Variants in FGF13 observed in about 807,000 individuals in gnomAD.
FGF13 encodes the protein fibroblast growth factor 13, also known as fibroblast growth factor homologous factor 2.
A neutral mutation model predicts 19.5 loss-of-function variants in FGF13; 2 were observed. That is an observed-to-expected ratio of 0.10 (90% confidence interval 0.04 to 0.32). The LOEUF is 0.32. Among genes scored for constraint, FGF13 ranks in the 10% least tolerant of loss-of-function variants. The pLI is 1.00. For synonymous variants in FGF13, 72 were observed against 76.9 expected, an observed-to-expected ratio of 0.94 and a Z score of 0.33; for missense variants, 113 against 192.7, an observed-to-expected ratio of 0.59 and a Z score of 2.45.
At chrX:138,661,114 T>C (rs771680077) in intron 3 of FGF13, among the ~76,000 whole-genome samples, 6 of 111,552 alleles carry the variant, frequency 5.4e-5, no homozygotes, top group African/African-American at 1.9e-4. Flanking sequence ...AGATAACAAG[T>C]GACCCAAACT....
intron 1 of FGF13, among the ~76,000 whole-genome samples, chrX:139,177,330 G>A (rs1372043310): frequency 3.9e-5 from 4 of 101,610 alleles, no homozygotes; most frequent in Admixed American, 3.3e-4. Context: ...CACATGAGAT[G>A]GGTCCCCTGA....
chrX:138,654,751 A>G (rs953737457), intron 3 of FGF13, among the ~76,000 whole-genome samples: 1 of 109,187 alleles, frequency 9.2e-6, no homozygotes, highest in African/African-American at 3.3e-5. Flanking sequence ...AAAAATACAT[A>G]CATACATACA....
intron 1 of FGF13, among the ~76,000 whole-genome samples, chrX:139,060,661 GT>G (rs954556026): frequency 9.0e-6 from 1 of 111,696 alleles, no homozygotes; most frequent in Non-Finnish European, 1.9e-5. Flanking sequence ...ATATATGCAA[GT>G]TTTTTCTTTT....
chrX:138,661,230 A>AT (rs750530199), intron 3 of FGF13, among the ~76,000 whole-genome samples: 1 of 111,931 alleles, frequency 8.9e-6, no homozygotes, highest in African/African-American at 3.2e-5. Context: ...CTCTAAACAA[A>AT]TAAGAGCTTG....
intron 1 of FGF13, among the ~76,000 whole-genome samples, chrX:139,001,129 C>T (rs1240934458): frequency 8.9e-6 from 1 of 111,916 alleles, no homozygotes; most frequent in Non-Finnish European, 1.9e-5. Flanking sequence ...ACTGGCTAGC[C>T]ATATGCAGAA....
intron 3 of FGF13, among the ~76,000 whole-genome samples, chrX:138,829,475 G>A (rs2091056778): frequency 9.0e-6 from 1 of 111,418 alleles, no homozygotes; most frequent in Admixed American, 9.6e-5. Flanking sequence ...ATGAGTGGAA[G>A]CACTCTGAGA....
At chrX:138,982,370 A>C (rs2091967479) in intron 1 of FGF13, among the ~76,000 whole-genome samples, 1 of 111,896 alleles carries the variant, frequency 8.9e-6, no homozygotes, top group Admixed American at 9.5e-5. Flanking sequence ...CAATATTCTC[A>C]GCCCTTCTCC....
In FGF13 at chrX:139,089,840, C is replaced by T. The variant is rs774953277; in HGVS notation, c.-113+113576G>A. ...GTAATAGTAACATCATCTTTGTGAC[C>T]ATCATTATTATTATTATTGATGGGA... On this transcript the variant is annotated intron_variant, in intron 1 of 2. Transcript: ENST00000421460. 9.9e-5 allele frequency among the ~76,000 whole-genome samples: 11 copies of T among 111,186 alleles called. 1 individual carries two copies. The South Asian group carries it at 4.2e-3, about 42-fold the overall frequency.
At chrX:138,637,160 G>A (rs1039651778) in intron 3 of FGF13, among the ~76,000 whole-genome samples, 2 of 111,934 alleles carry the variant, frequency 1.8e-5, no homozygotes, top group Non-Finnish European at 3.8e-5. Context: ...ACCTACTCAA[G>A]AAGCAATGTA....
intron 1 of FGF13, among the ~76,000 whole-genome samples, chrX:139,046,839 G>A (rs1162148449): frequency 9.0e-6 from 1 of 111,603 alleles, no homozygotes; most frequent in Non-Finnish European, 1.9e-5. Flanking sequence ...GATATTTATA[G>A]GTTGAACAAT....
At chrX:138,828,523 TC>T (rs751657513) in intron 3 of FGF13, among the ~76,000 whole-genome samples, 2,040 of 102,085 alleles carry the variant, frequency 0.02, 67 homozygotes, top group African/African-American at 0.071. Context: ...TGAGCCGAGA[TC>T]GCGCCACTGC....
rs528024674 is a variant in FGF13, at chrX:138,772,837, G to C, written c.218-63909C>G. ...TATAAACAGATCCTACATAAAGCTG[G>C]TGTTACCTTTCATATGATTAGCTCC... is the stretch of plus-strand genomic sequence containing the variant. On this transcript the variant is annotated intron_variant, in intron 3 of 6. Coordinates refer to the FGF13 transcript ENST00000436198. 4.5e-5 allele frequency among the ~76,000 whole-genome samples: 5 copies of C among 110,544 alleles called. No individual in the cohort carries two copies. The Middle Eastern group carries it at 0.014, about 314-fold the overall frequency.
At chrX:138,758,942 TA>T (rs1412739053) in intron 3 of FGF13, among the ~76,000 whole-genome samples, 1 of 112,272 alleles carries the variant, frequency 8.9e-6, no homozygotes, top group Non-Finnish European at 1.9e-5. Flanking sequence ...CACATTTTAA[TA>T]CAAAAGTGCT....
intron 1 of FGF13, among the ~76,000 whole-genome samples, chrX:138,965,961 A>C (rs1444204784): frequency 1.8e-5 from 2 of 112,050 alleles, no homozygotes; most frequent in Non-Finnish European, 3.8e-5. Context: ...TTTCTTTGTG[A>C]TTTCTGCTTT....
At chrX:139,074,388 C>T (rs2092386160) in intron 1 of FGF13, among the ~76,000 whole-genome samples, 1 of 111,534 alleles carries the variant, frequency 9.0e-6, no homozygotes, top group African/African-American at 3.3e-5. Flanking sequence ...GAGGCAAAAC[C>T]CAGTGTATTC....
In FGF13 at chrX:138,616,365, C is replaced by G. The variant is rs772151200; in HGVS notation, c.*16485G>C. Reference sequence around the variant, plus strand: ...AAATCCAATAGGGCAGTCGTTAAAGCTTAAAGTTCCAAAATGATCTCCTTA... The same window carrying G: ...AAATCCAATAGGGCAGTCGTTAAAGGTTAAAGTTCCAAAATGATCTCCTTA... On this transcript the variant is annotated 3_prime_UTR_variant, in exon 5 of 5. Coordinates refer to ENST00000315930, the MANE Select transcript of FGF13 (RefSeq NM_004114.5). 10 of 112,735 alleles carry G rather than the reference C, an allele frequency of 8.9e-5. No individual in the cohort carries two copies. Among genetic ancestry groups the G allele is most frequent in the Non-Finnish European group, 1.7e-4 (9 of 53,334 alleles). 9.3% of individuals were successfully genotyped at this position (112,735 alleles called of 1,213,427 possible). A position where few individuals can be genotyped will look rare whatever the true frequency, so the allele number is the denominator to read the frequency against.
At chrX:138,957,679 T>C (rs1056201852) in intron 1 of FGF13, among the ~76,000 whole-genome samples, 1 of 111,917 alleles carries the variant, frequency 8.9e-6, no homozygotes, top group South Asian at 3.7e-4. Flanking sequence ...TGTTTGTGTC[T>C]TCTTTTATTT....
chrX:138,902,188 G>A (rs181813924), intron 1 of FGF13, among the ~76,000 whole-genome samples: 40 of 112,099 alleles, frequency 3.6e-4, no homozygotes, highest in African/African-American at 1.1e-3. Context: ...TCTATTTTCC[G>A]GTCTTTTAGC....
At chrX:139,087,039 G>C (rs1387151971) in intron 1 of FGF13, among the ~76,000 whole-genome samples, 1 of 112,974 alleles carries the variant, frequency 8.9e-6, no homozygotes, top group Non-Finnish European at 1.9e-5. Context: ...GCTCACGCCT[G>C]TAATCCCAGC....
Sources: gnomAD v4.1 joint callset for allele counts (sites outside exome capture counted in the v4.1 genomes callset) on GRCh38, gnomAD v4.1.1 for gene constraint, MANE v1.5 for transcripts, NCBI Gene and HGNC (gene_info 2026-07-23, HGNC 2026-07-21) for gene names.